The following NHSL2 variants were observed in gnomAD, a reference collection of about 807,000 sequenced individuals.
NHSL2 encodes the protein NHS like 2.
In NHSL2, 27 loss-of-function variants were observed where a neutral mutation model predicts 53.4. That is an observed-to-expected ratio of 0.51 (90% CI 0.37 to 0.70). The LOEUF (loss-of-function observed/expected upper bound fraction) is 0.70. Ranked by LOEUF, NHSL2 falls within the 30% of genes least tolerant of loss-of-function variation. NHSL2 has a pLI of 0.00. For synonymous variants in NHSL2, 408 were observed against 404.1 expected (o/e 1.01, Z -0.12); for missense variants, 892 against 980.1 (o/e 0.91, Z 1.20).
chrX:71,912,519 C>A (rs1004398824), intron 1 of NHSL2, among the ~76,000 whole-genome samples: 2 of 111,944 alleles, frequency 1.8e-5, no homozygotes, highest in Non-Finnish European at 3.8e-5. Context: ...TCATTGCAGA[C>A]CCCACCCCAT....
At chrX:72,081,539 A>G (rs1408783033) in intron 1 of NHSL2, among the ~76,000 whole-genome samples, 1 of 111,109 alleles carries the variant, frequency 9.0e-6, no homozygotes, top group Non-Finnish European at 1.9e-5. Flanking sequence ...CACCTTCACA[A>G]CTTCTCACCT....
chrX:71,948,509 C>T (rs1054401766), intron 1 of NHSL2, among the ~76,000 whole-genome samples: 2 of 111,295 alleles, frequency 1.8e-5, no homozygotes, highest in Admixed American at 9.5e-5. Context: ...ACTCATCCTT[C>T]GTAAAGTTTT....
At chrX:72,082,751 C>A (rs961632246) in intron 1 of NHSL2, among the ~76,000 whole-genome samples, 10 of 111,699 alleles carry the variant, frequency 9.0e-5, no homozygotes, top group African/African-American at 3.3e-4. Flanking sequence ...AACACTTGAG[C>A]CTCTGGTAGG....
chrX:71,985,080 C>T (rs1205579904), intron 1 of NHSL2, among the ~76,000 whole-genome samples: 1 of 111,666 alleles, frequency 9.0e-6, no homozygotes, highest in Non-Finnish European at 1.9e-5. Context: ...ACCTTGGCCT[C>T]CCAAAGTGCT....
rs185983633 is a variant in NHSL2, at chrX:72,105,947, C to T, written c.281-26132C>T. On this transcript the variant is annotated intron_variant, in intron 1 of 7. Transcript: ENST00000633930. ...CCATGAGGCCGGGCGCGGTGGCTCA[C>T]GCCTGTAATCCCAGCACTTTGGGAG... 1.5e-3 allele frequency among the ~76,000 whole-genome samples: 164 copies of T among 111,874 alleles called. 1 individual carries two copies. In the East Asian group the frequency reaches 0.041, roughly 28 times the overall value.
intron 1 of NHSL2, among the ~76,000 whole-genome samples, chrX:71,914,294 C>G (rs757431374): frequency 8.9e-6 from 1 of 112,544 alleles, no homozygotes; most frequent in South Asian, 3.7e-4. Flanking sequence ...GGAAATAGCT[C>G]CATGCCTGCC....
In NHSL2 at chrX:72,005,016, C is replaced by T. The variant is rs752157120; in HGVS notation, c.280+93649C>T. Among the ~76,000 whole-genome samples the T allele has an allele frequency of 4.5e-5, 5 of 111,729 alleles. No homozygotes were observed. The South Asian group carries it at 1.2e-3, about 26-fold the overall frequency. ...ACGTTTCCCACCCACCGAGCTAAGGCAGGCTGAGATACAAATGCATATTGC... is the reference window on the plus strand; with the variant it reads ...ACGTTTCCCACCCACCGAGCTAAGGTAGGCTGAGATACAAATGCATATTGC... On this transcript the variant is annotated intron_variant, in intron 1 of 7. Transcript: ENST00000633930.
intron 1 of NHSL2, among the ~76,000 whole-genome samples, chrX:71,941,679 C>A (rs2041766486): frequency 8.9e-6 from 1 of 112,345 alleles, no homozygotes; most frequent in South Asian, 3.7e-4. Context: ...TTATTACAAT[C>A]ATTGCTATTA....
intron 1 of NHSL2, among the ~76,000 whole-genome samples, chrX:72,120,071 G>C (rs1442775619): frequency 8.9e-6 from 1 of 112,432 alleles, no homozygotes; most frequent in East Asian, 2.8e-4. Context: ...CTTGGTCATC[G>C]TGTATGATCC....
At chrX:72,069,601 G>A (rs1026391802) in intron 1 of NHSL2, 4 of 729,396 alleles carry the variant, frequency 5.5e-6, no homozygotes, top group Admixed American at 6.0e-5. Context: ...CAGAGGAGGA[G>A]GAGGAGGAGT....
chrX:71,990,637 C>T (rs1203144909), intron 1 of NHSL2, among the ~76,000 whole-genome samples: 1 of 111,594 alleles, frequency 9.0e-6, no homozygotes, highest in African/African-American at 3.3e-5. Context: ...CTCATCACCT[C>T]AGGCCTACTA....
intron 1 of NHSL2, among the ~76,000 whole-genome samples, chrX:71,998,190 GC>G (rs1433436476): frequency 8.9e-6 from 1 of 112,437 alleles, no homozygotes; most frequent in African/African-American, 3.2e-5. Flanking sequence ...TGAGCTGAGA[GC>G]TGGGGATGTA....
rs138206179 is a variant in NHSL2 at position 72,039,251 on chromosome X, C to T, written c.281-92828C>T. Among the ~76,000 whole-genome samples, 34 of 110,323 alleles carry T rather than the reference C, an allele frequency of 3.1e-4. No individual in the cohort carries two copies. In the East Asian group the frequency reaches 8.7e-3, roughly 28 times the overall value. ...TTAGAGTAGTCTCAACCTGAATTTGCGGCTTGTGTCTGAACTTTCTCTTTT... is the reference window on the plus strand; with the variant it reads ...TTAGAGTAGTCTCAACCTGAATTTGTGGCTTGTGTCTGAACTTTCTCTTTT... On this transcript the variant is annotated intron_variant, in intron 1 of 7. Transcript: ENST00000633930.
At chrX:71,991,412 C>A (rs1372102183) in intron 1 of NHSL2, among the ~76,000 whole-genome samples, 1 of 112,585 alleles carries the variant, frequency 8.9e-6, no homozygotes, top group African/African-American at 3.2e-5. Flanking sequence ...ATGAAAATTG[C>A]AAGTGCTTTG....
intron 1 of NHSL2, among the ~76,000 whole-genome samples, chrX:72,079,374 G>C (rs779349180): frequency 8.9e-6 from 1 of 112,369 alleles, no homozygotes; most frequent in South Asian, 3.7e-4. Flanking sequence ...AGGGAAGATC[G>C]GCAGGGTTCT....
intron 1 of NHSL2, among the ~76,000 whole-genome samples, chrX:72,099,857 T>C (rs1335148988): frequency 1.8e-5 from 2 of 112,493 alleles, no homozygotes; most frequent in Non-Finnish European, 3.7e-5. Flanking sequence ...ATCTGGTGTA[T>C]GTTTTACACA....
chrX:72,076,940 C>T (rs1000313127), intron 1 of NHSL2, among the ~76,000 whole-genome samples: 1 of 111,287 alleles, frequency 9.0e-6, no homozygotes, highest in Non-Finnish European at 1.9e-5. Flanking sequence ...CCCCACCATT[C>T]GGGTGGAGTG....
intron 1 of NHSL2, among the ~76,000 whole-genome samples, chrX:72,085,716 T>TG (rs2041834751): frequency 3.4e-5 from 1 of 29,769 alleles, no homozygotes. Flanking sequence ...TTTTTTTTTG[T>TG]TTTTTTTTTT....
intron 1 of NHSL2, among the ~76,000 whole-genome samples, chrX:72,012,929 G>A (rs1236974965): frequency 8.9e-6 from 1 of 112,398 alleles, no homozygotes; most frequent in Non-Finnish European, 1.9e-5. Context: ...ACATAGTCTT[G>A]ATTATTGTAG....
Sources: allele counts gnomAD v4.1 joint callset (sites outside exome capture counted in the v4.1 genomes callset), GRCh38; gene constraint gnomAD v4.1.1; transcripts MANE v1.5; gene names NCBI Gene and HGNC (gene_info 2026-07-23, HGNC 2026-07-21).